The following DRC11 variants were observed in gnomAD, a reference collection of about 807,000 sequenced individuals.
The protein encoded by DRC11 is IQ and AAA domain-containing protein 1.
the DRC11 span, among the ~76,000 whole-genome samples, chr2:236,472,351 G>C: frequency 6.6e-6 from 1 of 152,198 alleles, no homozygotes; most frequent in Non-Finnish European, 1.5e-5. The surrounding 1 kb of genome is among the most constrained non-coding windows in gnomAD (Gnocchi z 4.6). Flanking sequence ...AGACGCAGGT[G>C]AGATTTAAAC....
chr2:236,313,641 A>G, the DRC11 span, among the ~76,000 whole-genome samples: 3 of 152,232 alleles, frequency 2.0e-5, no homozygotes, highest in Non-Finnish European at 4.4e-5. The surrounding 1 kb of genome is among the most constrained non-coding windows in gnomAD (Gnocchi z 4.5). Flanking sequence ...GTAACAGCTA[A>G]AAATTGGAAT....
chr2:236,454,854 G>T, the DRC11 span: 19 of 152,304 alleles, frequency 1.2e-4, no homozygotes, highest in African/African-American at 4.6e-4. This position sits in a 1 kb window ranked among gnomAD's most constrained non-coding sequence, Gnocchi z 5.3. Flanking sequence ...TTCTCAATCT[G>T]CCAGTAACTA....
chr2:236,461,522 A>G, the DRC11 span, among the ~76,000 whole-genome samples: 1 of 152,240 alleles, frequency 6.6e-6, no homozygotes, highest in East Asian at 1.9e-4. The surrounding 1 kb of genome is among the most constrained non-coding windows in gnomAD (Gnocchi z 4.0). Context: ...GGCTTGCACC[A>G]TTCACTGCTT....
At chr2:236,358,011 A>G in the DRC11 span, among the ~76,000 whole-genome samples, 1 of 109,804 alleles carries the variant, frequency 9.1e-6, no homozygotes, top group Middle Eastern at 0.012. Flanking sequence ...TATATTTATA[A>G]TATATAGATA....
the DRC11 span, among the ~76,000 whole-genome samples, chr2:236,370,859 C>T: frequency 2.6e-4 from 40 of 151,948 alleles, no homozygotes; most frequent in African/African-American, 9.4e-4. The surrounding 1 kb of genome is among the most constrained non-coding windows in gnomAD (Gnocchi z 5.5). Flanking sequence ...AAGGTGTTGT[C>T]CCCAGCTCTG....
At chr2:236,388,855 T>C in the DRC11 span, among the ~76,000 whole-genome samples, 1 of 151,948 alleles carries the variant, frequency 6.6e-6, no homozygotes. Flanking sequence ...GGATGTCCTT[T>C]CTGTTTGTTA....
At chr2:236,374,338 A>G in the DRC11 span, among the ~76,000 whole-genome samples, 2 of 152,200 alleles carry the variant, frequency 1.3e-5, no homozygotes, top group African/African-American at 4.8e-5. Flanking sequence ...ACAGGGGAAA[A>G]AATGAAAATA....
chr2:236,406,858 G>T, the DRC11 span, among the ~76,000 whole-genome samples: 2 of 151,488 alleles, frequency 1.3e-5, no homozygotes, highest in Non-Finnish European at 2.9e-5. The surrounding 1 kb of genome is among the most constrained non-coding windows in gnomAD (Gnocchi z 4.7). Context: ...CCATTCTCCT[G>T]CCTCAGCCTC....
the DRC11 span, among the ~76,000 whole-genome samples, chr2:236,498,112 G>A: frequency 1.3e-5 from 2 of 152,168 alleles, no homozygotes; most frequent in South Asian, 4.2e-4. Flanking sequence ...ACAGCAAAAG[G>A]CAACCACTAA....
the DRC11 span, among the ~76,000 whole-genome samples, chr2:236,451,536 T>A: frequency 6.6e-6 from 1 of 152,200 alleles, no homozygotes; most frequent in African/African-American, 2.4e-5. Flanking sequence ...TACATGTTAT[T>A]ATGCTGTGAA....
chr2:236,496,115 T>G, the DRC11 span, among the ~76,000 whole-genome samples: 1 of 152,250 alleles, frequency 6.6e-6, no homozygotes, highest in African/African-American at 2.4e-5. The surrounding 1 kb of genome is among the most constrained non-coding windows in gnomAD (Gnocchi z 6.3). Context: ...ACAGTTATCC[T>G]AAATTGTTCA....
the DRC11 span, among the ~76,000 whole-genome samples, chr2:236,449,090 C>T: frequency 6.6e-6 from 1 of 151,686 alleles, no homozygotes; most frequent in East Asian, 2.0e-4. This position sits in a 1 kb window ranked among gnomAD's most constrained non-coding sequence, Gnocchi z 5.1. Context: ...GAACTCCTGA[C>T]CTCAGATGAT....
the DRC11 span, among the ~76,000 whole-genome samples, chr2:236,447,301 T>A: frequency 6.6e-6 from 1 of 151,172 alleles, no homozygotes; most frequent in Non-Finnish European, 1.5e-5. The surrounding 1 kb of genome is among the most constrained non-coding windows in gnomAD (Gnocchi z 4.6). Context: ...CATGCTGGAG[T>A]AGGAGGGCCC....
At chr2:236,340,536 AGGT>A in the DRC11 span, among the ~76,000 whole-genome samples, 2 of 152,148 alleles carry the variant, frequency 1.3e-5, no homozygotes, top group Admixed American at 1.3e-4. Flanking sequence ...AGAACAAAGC[AGGT>A]GGTGGGAGTG....
chr2:236,416,708 CAT>C, the DRC11 span, among the ~76,000 whole-genome samples: 2 of 74,590 alleles, frequency 2.7e-5, no homozygotes, highest in African/African-American at 4.8e-5. Flanking sequence ...TATTTATTTA[CAT>C]ATATATATAT....
chr2:236,357,344 ATATT>A, the DRC11 span, among the ~76,000 whole-genome samples: 161 of 115,696 alleles, frequency 1.4e-3, 1 homozygote, highest in Non-Finnish European at 2.3e-3. Context: ...ATGAATATAT[ATATT>A]ATATGTATAT....
chr2:236,358,254 C>T, the DRC11 span, among the ~76,000 whole-genome samples: 16 of 126,232 alleles, frequency 1.3e-4, no homozygotes, highest in African/African-American at 4.7e-4. Context: ...TAGATGTATA[C>T]TATATGAATA....
the DRC11 span, chr2:236,324,437 T>C: frequency 1.1e-5 from 4 of 371,742 alleles, no homozygotes; most frequent in Non-Finnish European, 2.0e-5. This position sits in a 1 kb window ranked among gnomAD's most constrained non-coding sequence, Gnocchi z 5.7. Context: ...GGATTAAAGC[T>C]GTGGAAAGTT....
chr2:236,504,850 A>T, the DRC11 span, among the ~76,000 whole-genome samples: 6,476 of 152,218 alleles, frequency 0.043, 284 homozygotes, highest in East Asian at 0.17. The surrounding 1 kb of genome is among the most constrained non-coding windows in gnomAD (Gnocchi z 5.0). Flanking sequence ...CCATGTGAAG[A>T]AGGGCATGTT....
Sources: gnomAD v4.1 joint callset for allele counts (sites outside exome capture counted in the v4.1 genomes callset) on GRCh38, gnomAD v4.1.1 for gene constraint, Gnocchi (gnomAD v3.1) non-coding constraint, MANE v1.5 for transcripts, NCBI Gene and HGNC (gene_info 2026-07-23, HGNC 2026-07-21) for gene names.